LITAF: variants seen among roughly 807,000 people sequenced by gnomAD.
LITAF encodes lipopolysaccharide induced TNF factor.
LITAF carries 9 observed loss-of-function variants against 14.5 expected under a neutral mutation model. The observed-to-expected ratio is 0.62, with a 90% confidence interval of 0.37 to 1.08. The LOEUF (loss-of-function observed/expected upper bound fraction) is 1.08. Among genes scored for constraint, LITAF ranks in the 50% least tolerant of loss-of-function variants. The pLI, the probability that LITAF is intolerant of heterozygous loss-of-function variation, is 0.01. For synonymous variants in LITAF, 98 were observed against 88.2 expected (o/e 1.11, Z -0.62); for missense variants, 206 against 213.4 (o/e 0.97, Z 0.22).
At chr16:11,567,365 A>T (rs2064467586) in intron 1 of LITAF, among the ~76,000 whole-genome samples, 1 of 151,670 alleles carries the variant, frequency 6.6e-6, no homozygotes, top group African/African-American at 2.4e-5. Flanking sequence ...GATTGCAGTG[A>T]GCTGAGATCG....
intron 3 of LITAF, among the ~76,000 whole-genome samples, chr16:11,623,733 G>C (rs767775155): frequency 6.6e-6 from 1 of 151,232 alleles, no homozygotes; most frequent in Admixed American, 6.6e-5. Flanking sequence ...TTGGAAGGTC[G>C]AGGTGGGCAG....
intron 3 of LITAF, among the ~76,000 whole-genome samples, chr16:11,619,071 G>C (rs1029183487): frequency 2.0e-5 from 3 of 150,782 alleles, no homozygotes; most frequent in African/African-American, 7.3e-5. Context: ...AGCACTTTGG[G>C]AGGCCAAGGC....
intron 3 of LITAF, among the ~76,000 whole-genome samples, chr16:11,604,831 G>A (rs1485953987): frequency 6.6e-6 from 1 of 151,022 alleles, no homozygotes; most frequent in Non-Finnish European, 1.5e-5. Context: ...GACGAGAAAA[G>A]TATAGACATT....
At chr16:11,595,425 A>G (rs1426787522) in intron 1 of LITAF, among the ~76,000 whole-genome samples, 1 of 152,180 alleles carries the variant, frequency 6.6e-6, no homozygotes, top group Non-Finnish European at 1.5e-5. Context: ...TACTGGATCT[A>G]GCACATAACT....
Position 11,553,329 on chromosome 16 carries a change from TG to T in LITAF, c.377+203del, listed in dbSNP as rs2064210871. ...GGGACGCTAAGGCAGGAGAATCGTT[TG>T]AACCTGAGCAGTGGGGGTTACAGTG... On this transcript the variant is annotated intron_variant, in intron 3 of 3. Coordinates refer to ENST00000622633, the MANE Select transcript of LITAF (RefSeq NM_001136472.2). The surrounding 1 kb of genome is among the most constrained non-coding windows in gnomAD (Gnocchi z 7.7). 2 of 585,818 alleles carry T rather than the reference TG, an allele frequency of 3.4e-6. No homozygotes were observed. The highest frequency in any genetic ancestry group is 5.5e-5 in the Admixed American group (2 of 36,360). 36.3% of individuals were successfully genotyped at this position (585,818 alleles called of 1,614,324 possible).
intron 3 of LITAF, among the ~76,000 whole-genome samples, chr16:11,621,886 C>T (rs1467785253): frequency 1.3e-5 from 2 of 152,150 alleles, no homozygotes; most frequent in African/African-American, 4.8e-5. Context: ...GAAACCAGCT[C>T]CTACGTTGCT....
intron 1 of LITAF, among the ~76,000 whole-genome samples, chr16:11,585,877 C>G (rs1337568113): frequency 6.6e-6 from 1 of 152,170 alleles, no homozygotes; most frequent in African/African-American, 2.4e-5. Context: ...GTCCAACAGC[C>G]AGTGACATCA....
At chr16:11,550,223 G>A (rs1481064280) in intron 3 of LITAF, among the ~76,000 whole-genome samples, 4 of 152,214 alleles carry the variant, frequency 2.6e-5, no homozygotes, top group African/African-American at 7.2e-5. Context: ...CTGAGTAGCT[G>A]GGATTGCAGG....
At chr16:11,587,288 TC>T (rs1262361722), upstream of LITAF, 31 of 422,220 alleles carry the variant, frequency 7.3e-5, no homozygotes, top group Non-Finnish European at 1.2e-4. Context: ...CTCCCCACTT[TC>T]CCCCCTCCCC....
intron 1 of LITAF, among the ~76,000 whole-genome samples, chr16:11,579,834 TG>T (rs2064706001): frequency 6.6e-6 from 1 of 152,174 alleles, no homozygotes; most frequent in Admixed American, 6.5e-5. Context: ...AGATAGGTGA[TG>T]GGGCTCAGGA....
intron 3 of LITAF, among the ~76,000 whole-genome samples, chr16:11,628,471 A>G (rs2065098124): frequency 1.3e-5 from 2 of 152,206 alleles, no homozygotes; most frequent in African/African-American, 4.8e-5. Flanking sequence ...TGAAAGGGAA[A>G]AAACAAAGTT....
intron 1 of LITAF, among the ~76,000 whole-genome samples, chr16:11,565,060 G>C (rs1179340995): frequency 6.9e-6 from 1 of 145,496 alleles, no homozygotes; most frequent in Non-Finnish European, 1.5e-5. Context: ...CTGGAGTACA[G>C]AACTTACTAA....
Position 11,553,056 on chromosome 16 carries a change from A to G in LITAF, c.377+477T>C, listed in dbSNP as rs866751136. ...CTTGAACCTGGGAGGCGGAGGTTGC[A>G]GTGAGCCGGGATCGTGCTACTGCAC... On this transcript the variant is annotated intron_variant, in intron 3 of 3. Transcript: ENST00000622633. The surrounding 1 kb of genome is among the most constrained non-coding windows in gnomAD (Gnocchi z 7.7). 2.0e-5 allele frequency among the ~76,000 whole-genome samples: 3 copies of G among 152,146 alleles called. No individual in the cohort carries two copies. The highest frequency in any genetic ancestry group is 2.9e-5 in the Non-Finnish European group (2 of 68,014).
rs112171877 is a variant in LITAF, at chr16:11,622,122, T to C, written c.85+11411A>G. Among the ~76,000 whole-genome samples the C allele has an allele frequency of 7.0e-4, 107 of 152,236 alleles. 1 individual carries two copies. The highest frequency in any genetic ancestry group is 2.4e-3 in the African/African-American group (99 of 41,538). ...AGGGTGGAGGCAGTGGGGATGTGGT[T>C]AGAGAGTGTGTTTGGGGGACCCGCC... On this transcript the variant is annotated intron_variant, in intron 3 of 3. Transcript: ENST00000574848.
At position 11,572,918 on chromosome 16, in the gene LITAF, G is replaced by T. The variant is rs950897722; in HGVS notation, c.-6+13968C>A. On this transcript the variant is annotated intron_variant, in intron 1 of 3. Coordinates refer to ENST00000622633, the MANE Select transcript of LITAF (RefSeq NM_001136472.2). ...TCTGTATTAATTGTACCAATTTTCT[G>T]CACATCTCAAGCTCTTTTTTTTTTT... is the stretch of plus-strand genomic sequence containing the variant. 2.1e-5 allele frequency among the ~76,000 whole-genome samples: 3 copies of T among 142,890 alleles called. No individual in the cohort carries two copies. In the South Asian group the frequency reaches 6.5e-4, roughly 31 times the overall value. The allele number at this position is 142,890 out of a possible 152,430, so 93.7% of individuals were successfully genotyped here.
Position 11,553,325 on chromosome 16 carries a change from C to T in LITAF, c.377+208G>A, listed in dbSNP as rs186068335. On this transcript the variant is annotated intron_variant, in intron 3 of 3. Transcript: ENST00000622633. This position sits in a 1 kb window ranked among gnomAD's most constrained non-coding sequence, Gnocchi z 7.7. Reference sequence around the variant, plus strand: ...ACACGGGACGCTAAGGCAGGAGAATCGTTTGAACCTGAGCAGTGGGGGTTA... The same window carrying T: ...ACACGGGACGCTAAGGCAGGAGAATTGTTTGAACCTGAGCAGTGGGGGTTA... The T allele has an allele frequency of 4.9e-4, 277 of 568,714 alleles. 1 individual carries two copies. Among genetic ancestry groups the T allele is most frequent in the Admixed American group, 1.1e-3 (40 of 34,968 alleles). 35.2% of individuals were successfully genotyped at this position (568,714 alleles called of 1,614,324 possible). A position where few individuals can be genotyped will look rare whatever the true frequency, so the allele number is the denominator to read the frequency against.
intron 3 of LITAF, among the ~76,000 whole-genome samples, chr16:11,625,494 C>G (rs983891299): frequency 1.3e-5 from 2 of 152,086 alleles, no homozygotes; most frequent in Non-Finnish European, 2.9e-5. Flanking sequence ...AACTCCTGGG[C>G]TCAAGCAATC....
intron 1 of LITAF, among the ~76,000 whole-genome samples, chr16:11,597,101 T>C (rs561855074): frequency 1.3e-5 from 2 of 152,198 alleles, no homozygotes; most frequent in African/African-American, 4.8e-5. Context: ...TCTCAGGTGA[T>C]GTGTCCTAGG....
intron 3 of LITAF, chr16:11,551,764 C>A (rs2064185389): frequency 2.9e-6 from 2 of 687,184 alleles, no homozygotes. Context: ...CCCAGGAGAT[C>A]AAAGCTGCGG....
Sources: allele counts gnomAD v4.1 joint callset (sites outside exome capture counted in the v4.1 genomes callset), GRCh38; gene constraint gnomAD v4.1.1; non-coding constraint Gnocchi (gnomAD v3.1); transcripts MANE v1.5; gene names NCBI Gene and HGNC (gene_info 2026-07-23, HGNC 2026-07-21).